The following HERC3 variants were observed in gnomAD, a reference collection of about 807,000 sequenced individuals.
HERC3 encodes the protein HECT and RLD domain containing E3 ubiquitin protein ligase 3.
Under a neutral mutation model 129.9 loss-of-function variants are expected in HERC3, and 58 were observed. The observed-to-expected ratio is 0.45, with a 90% CI of 0.36 to 0.56. HERC3 has a LOEUF of 0.56. Among genes scored for constraint, HERC3 ranks in the 20% least tolerant of loss-of-function variants. HERC3 has a pLI of 0.00. For missense variants in HERC3, 835 were observed against 1,244.2 expected (o/e 0.67, Z 4.95); for synonymous variants, 430 against 451.0 (o/e 0.95, Z 0.59).
intron 23 of HERC3, chr4:88,697,395 G>T (rs377669886): frequency 9.9e-6 from 16 of 1,613,812 alleles, no homozygotes; most frequent in Non-Finnish European, 1.4e-5. Context: ...TGAGCTCTTG[G>T]ATCTTGGCGA....
intron 3 of HERC3, among the ~76,000 whole-genome samples, chr4:88,620,864 C>A (rs1423119324): frequency 6.6e-6 from 1 of 152,120 alleles, no homozygotes; most frequent in Non-Finnish European, 1.5e-5. Flanking sequence ...TTTATTCCTT[C>A]AGGTCTCTGC....
upstream of HERC3, among the ~76,000 whole-genome samples, chr4:88,590,228 A>C (rs113812357): frequency 0.049 from 7,357 of 151,642 alleles, 581 homozygotes; most frequent in African/African-American, 0.17. Context: ...AGATCGCGCC[A>C]CTGCACTCCA....
chr4:88,646,616 G>A (rs3017925), intron 3 of HERC3, among the ~76,000 whole-genome samples: 67,489 of 152,028 alleles, frequency 0.44, 19,318 homozygotes, highest in African/African-American at 0.81. Flanking sequence ...TGACGGAATG[G>A]ATCAAAAGAG....
intron 3 of HERC3, among the ~76,000 whole-genome samples, chr4:88,639,406 G>T (rs1560706314): frequency 2.6e-5 from 4 of 151,028 alleles, no homozygotes; most frequent in Middle Eastern, 3.4e-3. Context: ...ATAGACAATG[G>T]AACAGAATAG....
chr4:88,606,646 G>A (rs1723672979), intron 3 of HERC3, among the ~76,000 whole-genome samples: 1 of 152,166 alleles, frequency 6.6e-6, no homozygotes, highest in African/African-American at 2.4e-5. Context: ...AAGGTGAAAG[G>A]CATGTTTCAC....
chr4:88,596,412 C>A lies in HERC3; in HGVS notation c.-30+798C>A, dbSNP rs183709258. ...CAGGGTGGGGGATCTTTAACATTAT[C>A]TGGAAAATAAAAGTGGTTACAAGTT... On this transcript the variant is annotated intron_variant, in intron 2 of 25. Transcript: ENST00000402738. Among the ~76,000 whole-genome samples the A allele has an allele frequency of 9.2e-5, 14 of 152,234 alleles. No homozygotes were observed. In the East Asian group the frequency reaches 2.7e-3, roughly 29 times the overall value.
chr4:88,685,123 G>C (rs1216640998), intron 21 of HERC3, among the ~76,000 whole-genome samples: 1 of 152,172 alleles, frequency 6.6e-6, no homozygotes. Flanking sequence ...TGAAGAAATA[G>C]GAATGCTTTT....
the HERC3 span, among the ~76,000 whole-genome samples, chr4:88,558,384 G>C: frequency 6.6e-6 from 1 of 152,106 alleles, no homozygotes; most frequent in Non-Finnish European, 1.5e-5. Context: ...ATTATTCTAA[G>C]CAAAGTAACT....
chr4:88,575,175 A>G, the HERC3 span, among the ~76,000 whole-genome samples: 2 of 152,196 alleles, frequency 1.3e-5, no homozygotes, highest in African/African-American at 4.8e-5. Context: ...CCAATTACCT[A>G]TTGAAAAGTA....
chr4:88,536,758 C>A, the HERC3 span, among the ~76,000 whole-genome samples: 1 of 114,992 alleles, frequency 8.7e-6, no homozygotes, highest in African/African-American at 5.8e-5. Context: ...AAGAAAAGCA[C>A]AATGAATTTT....
chr4:88,627,333 T>C (rs1726210637), intron 3 of HERC3, among the ~76,000 whole-genome samples: 1 of 152,156 alleles, frequency 6.6e-6, no homozygotes, highest in African/African-American at 2.4e-5. Context: ...AAAAAAAAAT[T>C]ACAACAATAA....
At chr4:88,571,645 T>G in the HERC3 span, among the ~76,000 whole-genome samples, 3 of 152,212 alleles carry the variant, frequency 2.0e-5, no homozygotes, top group African/African-American at 7.2e-5. Context: ...TTATTCCTGA[T>G]AGGCCTTTGA....
chr4:88,636,140 A>G (rs899701418), intron 3 of HERC3, among the ~76,000 whole-genome samples: 2 of 152,228 alleles, frequency 1.3e-5, no homozygotes, highest in African/African-American at 4.8e-5. Flanking sequence ...TCAAATTCAC[A>G]CATAACAGTA....
chr4:88,527,777 C>A, the HERC3 span: 2 of 317,948 alleles, frequency 6.3e-6, no homozygotes, highest in South Asian at 6.1e-5. Flanking sequence ...ATTCTGCTGC[C>A]GGTTATCCTC....
At chr4:88,617,251 T>C (rs1200350820) in intron 3 of HERC3, among the ~76,000 whole-genome samples, 3 of 151,482 alleles carry the variant, frequency 2.0e-5, no homozygotes, top group Admixed American at 6.6e-5. Flanking sequence ...TCTCAGCCTG[T>C]TGACTCTTTT....
In HERC3 at chr4:88,676,389, A is replaced by G. The variant is rs1217221949; in HGVS notation, c.1991A>G (p.Lys664Arg). The G allele has an allele frequency of 6.2e-7, 1 of 1,612,186 alleles. No homozygotes were observed. Among genetic ancestry groups the G allele is most frequent in the East Asian group, 2.2e-5 (1 of 44,810 alleles). ...PFIFDAQAKT[K>R]MLQTDAELQM... is the part of the protein sequence containing the mutation. ...ATCTTTGATGCCCAAGCCAAGACCA[A>G]AATGTTACAGACAGATGCTGAACTA... The change falls in exon 18 of 26, where the codon AAA (lysine) becomes AGA (arginine). Residue 664 changes from lysine (K) to arginine (R), a missense_variant. By Grantham distance (26) the Lys-to-Arg change is conservative. Transcript: ENST00000402738.
chr4:88,704,331 A>C (rs781548769), intron 24 of HERC3, 50 bp downstream of exon 24: 4 of 1,575,248 alleles, frequency 2.5e-6, no homozygotes, highest in Non-Finnish European at 3.5e-6. Flanking sequence ...AAGCAGCAGC[A>C]GCCTGGGGAG....
intron 23 of HERC3, among the ~76,000 whole-genome samples, chr4:88,689,547 A>T (rs1354912839): frequency 4.3e-4 from 64 of 150,158 alleles, no homozygotes; most frequent in African/African-American, 9.6e-4. Context: ...AAAAAAAAAA[A>T]ATATTGACAG....
the HERC3 span, among the ~76,000 whole-genome samples, chr4:88,575,745 G>A: frequency 1.3e-5 from 2 of 152,200 alleles, no homozygotes; most frequent in South Asian, 2.1e-4. Context: ...TTTATTCCAC[G>A]TTCATTTAAT....
Sources: gnomAD v4.1 joint callset for allele counts (sites outside exome capture counted in the v4.1 genomes callset) on GRCh38, gnomAD v4.1.1 for gene constraint, MANE v1.5 for transcripts, NCBI Gene and HGNC (gene_info 2026-07-23, HGNC 2026-07-21) for gene names.